FGF14: variants seen among roughly 807,000 people sequenced by gnomAD.
FGF14 encodes the protein fibroblast growth factor 14, also known as fibroblast growth factor homologous factor 4.
Under a neutral mutation model 25.5 loss-of-function variants are expected in FGF14, and 5 were observed. The ratio of observed to expected loss-of-function variants is 0.20; its 90% CI spans 0.10 to 0.41. The LOEUF (loss-of-function observed/expected upper bound fraction) is 0.41. FGF14 is among the 10% of genes least tolerant of loss of function. The pLI is 1.00. For missense variants in FGF14, 222 were observed against 320.1 expected, an observed-to-expected ratio of 0.69 and a Z score of 2.34; for synonymous variants, 138 against 118.3, an observed-to-expected ratio of 1.17 and a Z score of -1.08.
At chr13:102,172,006 ATTTAG>A (rs2048270282) in intron 1 of FGF14, among the ~76,000 whole-genome samples, 1 of 125,386 alleles carries the variant, frequency 8.0e-6, no homozygotes, top group Non-Finnish European at 1.7e-5. Flanking sequence ...TTATTTATTT[ATTTAG>A]TAGGGACGGA....
intron 1 of FGF14, among the ~76,000 whole-genome samples, chr13:102,145,672 G>C (rs1357325329): frequency 1.3e-5 from 2 of 152,068 alleles, no homozygotes; most frequent in South Asian, 2.1e-4. Context: ...CATAGCAATA[G>C]CAAAAGTGAT....
intron 1 of FGF14, among the ~76,000 whole-genome samples, chr13:102,295,041 ATTACT>A (rs1361737079): frequency 1.1e-4 from 16 of 152,154 alleles, no homozygotes; most frequent in South Asian, 2.1e-4. Flanking sequence ...CAGTTTGTGG[ATTACT>A]TTACTTTAAG....
At chr13:102,266,229 G>A (rs2052985442) in intron 1 of FGF14, among the ~76,000 whole-genome samples, 1 of 152,066 alleles carries the variant, frequency 6.6e-6, no homozygotes, top group African/African-American at 2.4e-5. Flanking sequence ...CTGACTAAAG[G>A]TGAATGACAA....
chr13:102,145,768 T>C (rs2046829306), intron 1 of FGF14, among the ~76,000 whole-genome samples: 1 of 152,214 alleles, frequency 6.6e-6, no homozygotes, highest in Non-Finnish European at 1.5e-5. Context: ...ACCAGTGCAT[T>C]GGTTATCTTT....
chr13:102,079,634 G>A (rs944876817), intron 1 of FGF14, among the ~76,000 whole-genome samples: 4 of 152,048 alleles, frequency 2.6e-5, no homozygotes, highest in African/African-American at 9.7e-5. Context: ...ACATGATACT[G>A]GGGCACAGCA....
At chr13:102,277,644 G>C (rs1399442102) in intron 1 of FGF14, among the ~76,000 whole-genome samples, 3 of 152,216 alleles carry the variant, frequency 2.0e-5, no homozygotes, top group African/African-American at 7.2e-5. Flanking sequence ...GATCCCAGGA[G>C]AGGGAAGACT....
chr13:101,751,743 G>C (rs1368458566), intron 3 of FGF14, among the ~76,000 whole-genome samples: 1 of 152,104 alleles, frequency 6.6e-6, no homozygotes, highest in African/African-American at 2.4e-5. Flanking sequence ...AGGAGTAGCA[G>C]TTGAGACCAT....
chr13:102,265,979 TACAA>T (rs1447407273), intron 1 of FGF14, among the ~76,000 whole-genome samples: 7 of 151,936 alleles, frequency 4.6e-5, no homozygotes, highest in Admixed American at 2.0e-4. Flanking sequence ...TAGATAAAAT[TACAA>T]TTGCAATGAA....
intron 1 of FGF14, among the ~76,000 whole-genome samples, chr13:102,224,307 T>C (rs1335714975): frequency 6.6e-6 from 1 of 152,108 alleles, no homozygotes; most frequent in Non-Finnish European, 1.5e-5. Flanking sequence ...AAGGAATTTT[T>C]AGTGTAAAAA....
At chr13:102,333,883 A>G (rs971260491) in intron 1 of FGF14, among the ~76,000 whole-genome samples, 6 of 152,146 alleles carry the variant, frequency 3.9e-5, no homozygotes, top group African/African-American at 1.4e-4. Context: ...TTGACGACTG[A>G]AGGGTGCATG....
chr13:102,063,704 T>C (rs992020591), intron 1 of FGF14, among the ~76,000 whole-genome samples: 10 of 152,124 alleles, frequency 6.6e-5, no homozygotes, highest in African/African-American at 2.4e-4. Context: ...TAGTGTTTTA[T>C]TCAGATCTGA....
intron 1 of FGF14, among the ~76,000 whole-genome samples, chr13:102,361,942 C>T (rs1485431378): frequency 6.6e-6 from 1 of 152,000 alleles, no homozygotes; most frequent in Admixed American, 6.6e-5. Context: ...GTGTCAGTAG[C>T]CCAGTCTCCT....
intron 1 of FGF14, among the ~76,000 whole-genome samples, chr13:102,396,766 A>C (rs369082846): frequency 5.3e-5 from 8 of 152,318 alleles, no homozygotes; most frequent in African/African-American, 1.9e-4. Flanking sequence ...TGAATTTTAC[A>C]CTTATTAACT....
chr13:101,721,802 A>ATATC lies in FGF14; in HGVS notation c.*1025_*1028dup, dbSNP rs1383214753. 2.0e-5 allele frequency: 3 copies of ATATC among 151,766 alleles called. No homozygotes were observed. The highest frequency in any genetic ancestry group is 2.9e-5 in the Non-Finnish European group (2 of 67,968). The allele number at this position is 151,766 out of a possible 1,614,324, so 9.4% of individuals were successfully genotyped here. A position where few individuals can be genotyped will look rare whatever the true frequency, so the allele number is the denominator to read the frequency against. On this transcript the variant is annotated 3_prime_UTR_variant, in exon 5 of 5. Coordinates refer to ENST00000376143, the MANE Select transcript of FGF14 (RefSeq NM_004115.4). ...TGGTTCATTAAAAACAGGACGGAGT[A>ATATC]TATCTGAAATGGATTTAGGTAGCGC...
At chr13:101,843,843 C>T (rs375475510) in intron 3 of FGF14, among the ~76,000 whole-genome samples, 9 of 152,080 alleles carry the variant, frequency 5.9e-5, no homozygotes, top group Non-Finnish European at 1.0e-4. Context: ...GTAAAGAGAG[C>T]TCTGTCAAAC....
intron 3 of FGF14, among the ~76,000 whole-genome samples, chr13:101,843,932 ATTG>A (rs1047854467): frequency 5.0e-4 from 76 of 152,172 alleles, no homozygotes; most frequent in African/African-American, 1.8e-3. Context: ...TCATTTTTAA[ATTG>A]TTGTGAGAAA....
chr13:102,083,614 G>C (rs2043745233), intron 1 of FGF14, among the ~76,000 whole-genome samples: 1 of 152,182 alleles, frequency 6.6e-6, no homozygotes, highest in Non-Finnish European at 1.5e-5. Context: ...CTGACAACTT[G>C]TAAGGCCGTG....
intron 1 of FGF14, among the ~76,000 whole-genome samples, chr13:102,317,729 C>T (rs1190899993): frequency 1.3e-5 from 2 of 152,128 alleles, no homozygotes; most frequent in Admixed American, 1.3e-4. Context: ...GGGGAGGAAA[C>T]ATCCCACCCC....
intron 1 of FGF14, among the ~76,000 whole-genome samples, chr13:101,987,619 A>T (rs2038662511): frequency 2.0e-5 from 3 of 152,084 alleles, no homozygotes; most frequent in South Asian, 2.1e-4. Context: ...TCACTCTGTT[A>T]TTACCTCCAA....
Sources: allele counts gnomAD v4.1 joint callset (sites outside exome capture counted in the v4.1 genomes callset), GRCh38; gene constraint gnomAD v4.1.1; transcripts MANE v1.5; gene names NCBI Gene and HGNC (gene_info 2026-07-23, HGNC 2026-07-21).